SOX30: variants seen among roughly 807,000 people sequenced by gnomAD.
The protein encoded by SOX30 is transcription factor SOX-30.
Under a neutral mutation model 58.6 loss-of-function variants are expected in SOX30, and 17 were observed. The observed-to-expected ratio is 0.29, with a 90% CI of 0.20 to 0.44. The LOEUF (loss-of-function observed/expected upper bound fraction) is 0.44, where lower values mean the gene tolerates loss of function less well. SOX30 is among the 20% of genes least tolerant of loss of function. The pLI is 1.00. For synonymous variants in SOX30, 421 were observed against 400.2 expected, an observed-to-expected ratio of 1.05 and a Z score of -0.62; for missense variants, 951 against 965.8, an observed-to-expected ratio of 0.98 and a Z score of 0.20.
At chr5:157,642,675 C>A (rs1028273207) in intron 3 of SOX30, among the ~76,000 whole-genome samples, 7 of 151,958 alleles carry the variant, frequency 4.6e-5, no homozygotes, top group African/African-American at 1.7e-4. Flanking sequence ...AAAATAACAA[C>A]AACAACAACA....
chr5:157,639,218 G>T (rs955655526), intron 3 of SOX30, among the ~76,000 whole-genome samples: 17 of 152,078 alleles, frequency 1.1e-4, no homozygotes, highest in African/African-American at 4.1e-4. Flanking sequence ...CAGGGCAGTG[G>T]GGCAGGAGGA....
At chr5:157,643,942 T>C (rs1561583256) in intron 3 of SOX30, among the ~76,000 whole-genome samples, 1 of 152,158 alleles carries the variant, frequency 6.6e-6, no homozygotes, top group Non-Finnish European at 1.5e-5. Flanking sequence ...AAATATACAG[T>C]GAAATTTCCA....
At chr5:157,638,841 T>C in intron 3 of SOX30, 119 bp from the exon 4 acceptor site, 1 of 906,512 alleles carries the variant, frequency 1.1e-6, no homozygotes, top group Non-Finnish European at 1.6e-6. Context: ...CTTACCTAAC[T>C]GCATCATCAT....
chr5:157,669,789 G>C (rs1307940701), intron 1 of SOX30, among the ~76,000 whole-genome samples: 1 of 152,122 alleles, frequency 6.6e-6, no homozygotes, highest in African/African-American at 2.4e-5. Context: ...AAAGTGCAGG[G>C]ATTACAGGCA....
intron 4 of SOX30, among the ~76,000 whole-genome samples, chr5:157,635,019 T>C (rs1758893421): frequency 6.6e-6 from 1 of 152,236 alleles, no homozygotes; most frequent in Non-Finnish European, 1.5e-5. Context: ...TCAATTAATT[T>C]TGGCATTTAG....
At chr5:157,652,892 C>T (rs947181825), upstream of SOX30, among the ~76,000 whole-genome samples, 5 of 152,142 alleles carry the variant, frequency 3.3e-5, no homozygotes, top group African/African-American at 4.8e-5. Flanking sequence ...CTTTCGAAAA[C>T]GCAAATCTAA....
chr5:157,649,034 A>T lies in SOX30; in HGVS notation c.968-138T>A, dbSNP rs377306239. On this transcript the variant is annotated intron_variant, in intron 1 of 4. Transcript: ENST00000265007. ...TATACACTTCAATATAACCAAAAAA[A>T]CCTGCCAGTATTCCACAATTCCTTA... The T allele has an allele frequency of 4.5e-6, 5 of 1,115,258 alleles. No homozygotes were observed. In the African/African-American group the frequency reaches 7.9e-5, roughly 18 times the overall value. The allele number at this position is 1,115,258 out of a possible 1,614,324, so 69.1% of individuals were successfully genotyped here. A position where few individuals can be genotyped will look rare whatever the true frequency, so the allele number is the denominator to read the frequency against.
intron 1 of SOX30, 33 bp downstream of exon 1, chr5:157,651,079 T>C: frequency 6.8e-7 from 1 of 1,477,310 alleles, no homozygotes; most frequent in Middle Eastern, 1.8e-4. Flanking sequence ...ACAGACGCAG[T>C]TTTGAAAACC....
Position 157,651,986 on chromosome 5 carries a change from T to C in SOX30, c.93A>G (p.Ala31=). The C allele has an allele frequency of 6.9e-7, 1 of 1,446,842 alleles. No homozygotes were observed. Among genetic ancestry groups the C allele is most frequent in the Non-Finnish European group, 9.0e-7 (1 of 1,107,096 alleles). 89.6% of individuals were successfully genotyped at this position (1,446,842 alleles called of 1,614,324 possible). A position where few individuals can be genotyped will look rare whatever the true frequency, so the allele number is the denominator to read the frequency against. ...ACGACGGAGGGGGCTCCATGGCTGC[T>C]GCCCAAAAGGAGGTGCCCTCGACCG... ...PLPVEGTSFW[A]AAMEPPPSSP... Residue 31 remains alanine (A), a synonymous_variant, in exon 1 of 5, where the codon GCA becomes GCG. Coordinates refer to ENST00000265007, the MANE Select transcript of SOX30 (RefSeq NM_178424.2).
chr5:157,645,889 G>A (rs1759179102), intron 3 of SOX30, among the ~76,000 whole-genome samples: 1 of 152,054 alleles, frequency 6.6e-6, no homozygotes, highest in African/African-American at 2.4e-5. Context: ...GTGTGATGGT[G>A]CATCCCTGTA....
Position 157,657,463 on chromosome 5 carries a change from T to C in SOX30, c.53-8567A>G, listed in dbSNP as rs190865398. On this transcript the variant is annotated intron_variant, in intron 2 of 5. Coordinates refer to the SOX30 transcript ENST00000519442. Reference sequence around the variant, plus strand: ...TAACAGGTGTTCTTAAATGCAGATTTCTGATAACTTTGGAAATTGTGATAT... The same window carrying C: ...TAACAGGTGTTCTTAAATGCAGATTCCTGATAACTTTGGAAATTGTGATAT... 3.8e-3 allele frequency among the ~76,000 whole-genome samples: 579 copies of C among 152,314 alleles called. 3 individuals carry two copies. Among genetic ancestry groups the C allele is most frequent in the African/African-American group, 0.013 (540 of 41,560 alleles).
intron 4 of SOX30, among the ~76,000 whole-genome samples, chr5:157,627,584 T>C (rs1037641668): frequency 3.9e-5 from 6 of 152,232 alleles, no homozygotes; most frequent in African/African-American, 1.4e-4. Flanking sequence ...TAAAACACTG[T>C]TACTACTAGA....
chr5:157,671,271 C>G, intron 1 of SOX30: 1 of 278,094 alleles, frequency 3.6e-6, no homozygotes, highest in Non-Finnish European at 6.7e-6. Flanking sequence ...CCCGCCCCGC[C>G]AGCAGGCCGG....
At chr5:157,633,548 T>C (rs546536285) in intron 4 of SOX30, among the ~76,000 whole-genome samples, 93 of 152,340 alleles carry the variant, frequency 6.1e-4, no homozygotes, top group African/African-American at 2.0e-3. Flanking sequence ...AAGTCTATCA[T>C]GTTTTGGGAC....
At position 157,651,761 on chromosome 5, in the gene SOX30, G is replaced by A. The variant is rs779045768; in HGVS notation, c.318C>T (p.Asp106=). 22 of 1,557,164 alleles carry A rather than the reference G, an allele frequency of 1.4e-5. No individual in the cohort carries two copies. The highest frequency in any genetic ancestry group is 1.7e-5 in the Non-Finnish European group (20 of 1,154,350). The change falls in exon 1 of 5, where the codon GAC becomes GAT. Residue 106 remains aspartate (D), a synonymous_variant. Transcript: ENST00000265007. ...CTGTCGGCGGCTGCAGGAGCCGCAG[G>A]TCGGGCCTGAACTGCAACAGCCGCG... ...AQARLLQFRP[D]LRLLQPPTAS...
At chr5:157,632,114 G>T (rs991545905) in intron 4 of SOX30, among the ~76,000 whole-genome samples, 3 of 144,776 alleles carry the variant, frequency 2.1e-5, no homozygotes, top group Non-Finnish European at 4.5e-5. Flanking sequence ...TTTGGGCTAA[G>T]GCTATCTGAA....
chr5:157,661,839 T>A (rs1285447442), intron 2 of SOX30, among the ~76,000 whole-genome samples: 1 of 152,196 alleles, frequency 6.6e-6, no homozygotes, highest in African/African-American at 2.4e-5. Context: ...TCTTGTGATA[T>A]CTTTGTCTGT....
chr5:157,638,417 G>A lies in SOX30; in HGVS notation c.1693C>T (p.Pro565Ser). 1 of 1,614,094 alleles carries A rather than the reference G, an allele frequency of 6.2e-7. No homozygotes were observed. The highest frequency in any genetic ancestry group is 8.5e-7 in the Non-Finnish European group (1 of 1,179,972). The part of the protein sequence containing the change: ...ARFATSTIQP[P>S]REYSSVSPCP... Reference sequence around the variant, plus strand: ...GGGGAAACGCTGGAATACTCCCTAGGAGGTTGGATGGTCGAAGTTGCAAAT... The same window carrying A: ...GGGGAAACGCTGGAATACTCCCTAGAAGGTTGGATGGTCGAAGTTGCAAAT... The change falls in exon 4 of 5, where the codon CCT becomes TCT. Residue 565 changes from proline (P) to serine (S), a missense_variant. By Grantham distance (74) the Pro-to-Ser change is moderately conservative. Coordinates refer to ENST00000265007, the MANE Select transcript of SOX30 (RefSeq NM_178424.2).
chr5:157,650,675 TC>T (rs1759305523), intron 1 of SOX30, among the ~76,000 whole-genome samples: 1 of 152,234 alleles, frequency 6.6e-6, no homozygotes, highest in Admixed American at 6.5e-5. Context: ...GCCTCTATAA[TC>T]GGTATAAACT....
Sources: allele counts gnomAD v4.1 joint callset (sites outside exome capture counted in the v4.1 genomes callset), GRCh38; gene constraint gnomAD v4.1.1; transcripts MANE v1.5; gene names NCBI Gene and HGNC (gene_info 2026-07-23, HGNC 2026-07-21).